AFF2: variants seen among roughly 807,000 people sequenced by gnomAD.
AFF2 encodes ALF transcription elongation factor 2.
A neutral mutation model predicts 76.9 loss-of-function variants in AFF2; 14 were observed. The observed-to-expected ratio is 0.18, with a 90% CI of 0.12 to 0.28. AFF2 has a LOEUF of 0.28. Ranked by LOEUF, AFF2 falls within the 10% of genes least tolerant of loss-of-function variation. The probability of loss-of-function intolerance (pLI) is 1.00; values close to 1 mark genes in which losing one functional copy is unlikely to be tolerated. For missense variants in AFF2, 868 were observed against 1,001.1 expected (o/e 0.87, Z 1.79); for synonymous variants, 398 against 366.7 (o/e 1.09, Z -0.98).
At chrX:148,954,510 G>T (rs1264380819) in intron 10 of AFF2, among the ~76,000 whole-genome samples, 1 of 112,135 alleles carries the variant, frequency 8.9e-6, no homozygotes, top group Non-Finnish European at 1.9e-5. Flanking sequence ...GACCATGCAT[G>T]TGCCAGGCAC....
intron 3 of AFF2, among the ~76,000 whole-genome samples, chrX:148,794,617 ATCT>A (rs782321768): frequency 1.8e-5 from 2 of 112,091 alleles, no homozygotes; most frequent in Non-Finnish European, 3.8e-5. Context: ...TTCTCTCAAG[ATCT>A]TCTTCACTTT....
At chrX:148,781,168 G>C (rs1405648294) in intron 3 of AFF2, among the ~76,000 whole-genome samples, 2 of 111,901 alleles carry the variant, frequency 1.8e-5, no homozygotes, top group Non-Finnish European at 1.9e-5. Context: ...GAGCTCTCCT[G>C]TATGAGGTGT....
chrX:148,539,415 T>C (rs1441287729), intron 1 of AFF2, among the ~76,000 whole-genome samples: 1 of 111,465 alleles, frequency 9.0e-6, no homozygotes, highest in Admixed American at 9.6e-5. Flanking sequence ...TGCCTCTCGG[T>C]TTCCTCATCT....
Position 148,582,331 on chromosome X carries a change from C to T in AFF2, c.48-69668C>T, listed in dbSNP as rs782498256. Among the ~76,000 whole-genome samples, 488 of 111,443 alleles carry T rather than the reference C, an allele frequency of 4.4e-3. 3 individuals are homozygous for T. The highest frequency in any genetic ancestry group is 0.013 in the African/African-American group (397 of 30,679). ...TTTTTTCTTTGTAAATAGTAAATATCTTGTAGGGAAGTACTTTGAGACTAT... is the reference window on the plus strand; with the variant it reads ...TTTTTTCTTTGTAAATAGTAAATATTTTGTAGGGAAGTACTTTGAGACTAT... On this transcript the variant is annotated intron_variant, in intron 1 of 20. Transcript: ENST00000370460.
intron 3 of AFF2, among the ~76,000 whole-genome samples, chrX:148,695,484 T>C (rs1319295368): frequency 8.9e-6 from 1 of 112,433 alleles, no homozygotes; most frequent in Non-Finnish European, 1.9e-5. Context: ...CTCTTTACAC[T>C]GTCATGGTTG....
chrX:148,923,497 T>C (rs2071617661), intron 9 of AFF2, among the ~76,000 whole-genome samples: 1 of 111,169 alleles, frequency 9.0e-6, no homozygotes, highest in African/African-American at 3.3e-5. Flanking sequence ...AGTATAAACA[T>C]TAAACTCTAC....
At chrX:148,832,045 C>T (rs782616663) in intron 4 of AFF2, among the ~76,000 whole-genome samples, 92 of 112,131 alleles carry the variant, frequency 8.2e-4, no homozygotes, top group African/African-American at 2.8e-3. Context: ...GTTTTGGTGA[C>T]GGAAAGATGC....
chrX:148,857,831 C>T (rs977309811), intron 7 of AFF2, among the ~76,000 whole-genome samples: 4 of 111,298 alleles, frequency 3.6e-5, no homozygotes, highest in Non-Finnish European at 7.6e-5. Flanking sequence ...TTCAACCCTC[C>T]AATGCTCTTG....
intron 1 of AFF2, among the ~76,000 whole-genome samples, chrX:148,601,934 G>C (rs1260127361): frequency 9.0e-6 from 1 of 111,459 alleles, no homozygotes; most frequent in Non-Finnish European, 1.9e-5. Context: ...AGTCATTACT[G>C]TGTGCTGCAT....
chrX:148,694,969 C>T (rs1359527037), intron 3 of AFF2, among the ~76,000 whole-genome samples: 1 of 109,176 alleles, frequency 9.2e-6, no homozygotes, highest in Non-Finnish European at 1.9e-5. Flanking sequence ...GCGCCCGCCA[C>T]CATGCTCGGC....
intron 1 of AFF2, among the ~76,000 whole-genome samples, chrX:148,599,040 G>T (rs1388298271): frequency 8.9e-6 from 1 of 112,073 alleles, no homozygotes; most frequent in Non-Finnish European, 1.9e-5. Context: ...TCTTGAAGAG[G>T]TTCATCCAAA....
At chrX:148,676,760 T>C (rs1443787070) in intron 3 of AFF2, among the ~76,000 whole-genome samples, 2 of 111,370 alleles carry the variant, frequency 1.8e-5, no homozygotes, top group African/African-American at 6.5e-5. Flanking sequence ...CCACATCAAG[T>C]TGTAAATTGG....
intron 1 of AFF2, among the ~76,000 whole-genome samples, chrX:148,538,437 G>A (rs1416536461): frequency 9.0e-6 from 1 of 111,485 alleles, no homozygotes; most frequent in Non-Finnish European, 1.9e-5. Flanking sequence ...GAGGCTGAAG[G>A]TCAACTTACG....
intron 7 of AFF2, among the ~76,000 whole-genome samples, chrX:148,877,635 C>A (rs1206486250): frequency 7.1e-5 from 8 of 112,378 alleles, no homozygotes; most frequent in Admixed American, 4.7e-4. Context: ...GGTAGACAGG[C>A]CTTCTTGACA....
chrX:148,897,221 CTATATATA>C (rs1171086215), intron 8 of AFF2, among the ~76,000 whole-genome samples: 24 of 23,426 alleles, frequency 1.0e-3, no homozygotes, highest in African/African-American at 3.6e-3. Flanking sequence ...CCTTAGTCCA[CTATATATA>C]TATATATATA....
chrX:148,625,000 C>CT lies in AFF2; in HGVS notation c.48-26990dup, dbSNP rs1158584802. 7.6e-4 allele frequency among the ~76,000 whole-genome samples: 84 copies of CT among 109,826 alleles called. 1 individual carries two copies. Among genetic ancestry groups the CT allele is most frequent in the Middle Eastern group, 4.6e-3 (1 of 216 alleles). On this transcript the variant is annotated intron_variant, in intron 1 of 20. Coordinates refer to ENST00000370460, the MANE Select transcript of AFF2 (RefSeq NM_002025.4). ...TATGAGCTCCATTTTCTCCATTGTTCTTTTTTTTTGCATGCTAATTAGATG... is the reference window on the plus strand; with the variant it reads ...TATGAGCTCCATTTTCTCCATTGTTCTTTTTTTTTTGCATGCTAATTAGATG...
At chrX:148,818,019 T>C (rs1557272285) in intron 4 of AFF2, among the ~76,000 whole-genome samples, 3 of 111,635 alleles carry the variant, frequency 2.7e-5, no homozygotes, top group Admixed American at 1.9e-4. Context: ...ATGGAGAAAC[T>C]CTCAAAGCAT....
intron 1 of AFF2, among the ~76,000 whole-genome samples, chrX:148,528,128 A>C (rs782121000): frequency 7.1e-4 from 80 of 112,285 alleles, no homozygotes; most frequent in African/African-American, 2.3e-3. Flanking sequence ...TGCTAGGAGA[A>C]GAGCAAAGAC....
intron 4 of AFF2, among the ~76,000 whole-genome samples, chrX:148,813,809 C>T (rs564289686): frequency 8.9e-6 from 1 of 112,235 alleles, no homozygotes; most frequent in African/African-American, 3.2e-5. Context: ...GTTGTTTCCT[C>T]AATTTGTACA....
Sources: allele counts gnomAD v4.1 joint callset (sites outside exome capture counted in the v4.1 genomes callset), GRCh38; gene constraint gnomAD v4.1.1; transcripts MANE v1.5; gene names NCBI Gene and HGNC (gene_info 2026-07-23, HGNC 2026-07-21).